The following ZNF302 variants were observed in gnomAD, a reference collection of about 807,000 sequenced individuals.
ZNF302 encodes the protein zinc finger protein 302.
Under a neutral mutation model 10.8 loss-of-function variants are expected in ZNF302, and 12 were observed. That is an observed-to-expected ratio of 1.11 (90% CI 0.71 to 1.79). The LOEUF (loss-of-function observed/expected upper bound fraction) is 1.79. Among genes scored for constraint, ZNF302 ranks in the 40% most tolerant of loss-of-function variants. The pLI is 0.00. For synonymous variants in ZNF302, 178 were observed against 157.5 expected, an observed-to-expected ratio of 1.13 and a Z score of -0.98; for missense variants, 461 against 471.1, an observed-to-expected ratio of 0.98 and a Z score of 0.20.
At chr19:34,682,634 CT>C in intron 2 of ZNF302, 142 bp from the exon 3 acceptor site, 1 of 1,241,250 alleles carries the variant, frequency 8.1e-7, no homozygotes, top group Non-Finnish European at 1.1e-6. Flanking sequence ...CCTATTATTA[CT>C]TACCTGACAT....
intron 1 of ZNF302, among the ~76,000 whole-genome samples, chr19:34,678,514 T>C (rs1418108468): frequency 2.6e-5 from 4 of 152,194 alleles, no homozygotes. Flanking sequence ...ATAAAGTTGT[T>C]ACCGTTGTTT....
chr19:34,681,940 C>T (rs979121571), intron 2 of ZNF302: 2 of 151,948 alleles, frequency 1.3e-5, no homozygotes, highest in African/African-American at 2.4e-5. Flanking sequence ...TGTTTTAGTC[C>T]ATTTGTGCTG....
At chr19:34,677,348 G>A (rs1322721213), upstream of ZNF302, 2 of 152,224 alleles carry the variant, frequency 1.3e-5, no homozygotes, top group Admixed American at 6.5e-5. Flanking sequence ...GCAGTTTTCT[G>A]GGAAATGTAA....
At chr19:34,679,653 C>G (rs1346888342) in intron 2 of ZNF302, among the ~76,000 whole-genome samples, 1 of 152,174 alleles carries the variant, frequency 6.6e-6, no homozygotes, top group Non-Finnish European at 1.5e-5. Context: ...TCCCTGAAAG[C>G]CTATTTGCAA....
chr19:34,676,056 C>T (rs11670385), upstream of ZNF302: 45,338 of 152,032 alleles, frequency 0.3, 7,532 homozygotes, highest in Non-Finnish European at 0.37. Flanking sequence ...GTTCGGGTGG[C>T]CCGTTTTTAT....
rs2068439882 is a variant in ZNF302, at chr19:34,682,994, A to G, written c.130+97A>G. ...CCTAAGTAAATGGCTGAATTTCTGT[A>G]CCATGCTCCCGAGGAAATGTGCAGC... On this transcript the variant is annotated intron_variant, in intron 3 of 4. Coordinates refer to ENST00000505242, the MANE Select transcript of ZNF302 (RefSeq NM_001289187.2). The G allele has an allele frequency of 3.0e-5, 48 of 1,579,630 alleles. No homozygotes were observed. The South Asian group carries it at 5.2e-4, about 17-fold the overall frequency.
intron 2 of ZNF302, 119 bp from the exon 3 acceptor site, chr19:34,682,658 C>G: frequency 6.8e-7 from 1 of 1,464,306 alleles, no homozygotes; most frequent in Non-Finnish European, 9.3e-7. Context: ...CATTCCCAGT[C>G]ATTGTCACAG....
At position 34,685,597 on chromosome 19, in the gene ZNF302, T is replaced by C. The variant is rs2068620417; in HGVS notation, c.*360T>C. The stretch of plus-strand genomic sequence containing the variant: ...TAAGTGTGGAAAAGCCTTTAGATCA[T>C]ATGAATCCCTATACATGTGAGAAAT... On this transcript the variant is annotated 3_prime_UTR_variant, in exon 5 of 5. Coordinates refer to ENST00000505242, the MANE Select transcript of ZNF302 (RefSeq NM_001289187.2). The C allele has an allele frequency of 3.2e-6, 4 of 1,238,692 alleles. No homozygotes were observed. In the African/African-American group the frequency reaches 6.0e-5, roughly 18 times the overall value. The allele number at this position is 1,238,692 out of a possible 1,614,324, so 76.7% of individuals were successfully genotyped here.
At chr19:34,678,164 T>G (rs1295308656) in intron 1 of ZNF302, 61 bp downstream of exon 1, 1 of 152,206 alleles carries the variant, frequency 6.6e-6, no homozygotes, top group Admixed American at 6.5e-5. Context: ...GGTTTAGAAC[T>G]CGACCTCAAG....
chr19:34,679,581 G>A (rs1322085343), intron 2 of ZNF302, among the ~76,000 whole-genome samples: 2 of 152,092 alleles, frequency 1.3e-5, no homozygotes, highest in Non-Finnish European at 2.9e-5. Flanking sequence ...CCCCACATAC[G>A]CACAAGCTTG....
Position 34,684,909 on chromosome 19 carries a change from G to A in ZNF302, c.872G>A (p.Gly291Glu). The A allele has an allele frequency of 6.2e-7, 1 of 1,613,996 alleles. No homozygotes were observed. The highest frequency in any genetic ancestry group is 2.2e-5 in the East Asian group (1 of 44,882). ...AAACCGTATGAATGTATGAACTGTG[G>A]AAAGTCTTTTAGTCGTGTGTCCCTT... ...GEKPYECMNC[G>E]KSFSRVSLLI... Residue 291 changes from glycine (G) to glutamate (E), a missense_variant, in exon 5 of 5, where the codon GGA becomes GAA. Physicochemically the swap from Gly to Glu is moderately conservative, Grantham distance 98. Transcript: ENST00000505242.
rs780618462 is a variant in ZNF302, at chr19:34,678,780, G to A, written c.-25G>A. On this transcript the variant is annotated 5_prime_UTR_variant, in exon 2 of 5. Transcript: ENST00000505242. ...GATAAGAACCTGGAAAGGGGACTCT[G>A]TTGGCCATTGGAAATTGCAGAATAA... The A allele has an allele frequency of 1.4e-5, 23 of 1,613,860 alleles. No homozygotes were observed. In the East Asian group the frequency reaches 4.9e-4, roughly 34 times the overall value.
chr19:34,677,160 CAAAAAAAAAAAA>C (rs10601812), upstream of ZNF302: 1 of 125,412 alleles, frequency 8.0e-6, no homozygotes, highest in East Asian at 2.3e-4. Context: ...AAATGAGTGC[CAAAAAAAAAAAA>C]AAAAAAAGAC....
chr19:34,678,473 C>T (rs535816020), intron 1 of ZNF302, among the ~76,000 whole-genome samples: 2 of 151,578 alleles, frequency 1.3e-5, no homozygotes, highest in East Asian at 3.9e-4. Flanking sequence ...TGAATGCACA[C>T]CTTGCAAAGT....
In ZNF302 at chr19:34,685,881, A is replaced by AT; in HGVS notation, c.*645dup. 1 of 214,746 alleles carries AT rather than the reference A, an allele frequency of 4.7e-6. No homozygotes were observed. Among genetic ancestry groups the AT allele is most frequent in the East Asian group, 9.8e-5 (1 of 10,168 alleles). 13.3% of individuals were successfully genotyped at this position (214,746 alleles called of 1,614,324 possible). A position where few individuals can be genotyped will look rare whatever the true frequency, so the allele number is the denominator to read the frequency against. On this transcript the variant is annotated 3_prime_UTR_variant, in exon 5 of 5. Coordinates refer to ENST00000505242, the MANE Select transcript of ZNF302 (RefSeq NM_001289187.2). ...CTCACACTAGGAAAAATCTGTGTAC[A>AT]TGTAGCAAATGTGGGAAAGACTATA... is the stretch of plus-strand genomic sequence containing the variant.
rs1458376144 is a variant in ZNF302, at chr19:34,683,209, C to T, written c.185C>T (p.Pro62Leu). ...ATGTTATTGGAGGATGGAAAAGAGC[C>T]CTGGATGATGGAGAAAAAACTGTCA... ...VIMLLEDGKE[P>L]WMMEKKLSKD... is the part of the protein sequence containing the mutation. Residue 62 changes from proline (P) to leucine (L), a missense_variant, in exon 4 of 5, where the codon CCC becomes CTC. Pro to Leu is a moderately conservative substitution (Grantham distance 98). Transcript: ENST00000505242. 6.2e-7 allele frequency: 1 copy of T among 1,613,896 alleles called. No homozygotes were observed. Among genetic ancestry groups the T allele is most frequent in the Non-Finnish European group, 8.5e-7 (1 of 1,179,918 alleles).
Position 34,684,674 on chromosome 19 carries a change from C to T in ZNF302, c.637C>T (p.Gln213Ter). ...CSECGKAFGK[Q>*]SILSRHWRIH... The stretch of plus-strand genomic sequence containing the variant: ...TGAATGTGGGAAAGCCTTTGGCAAA[C>T]AGTCAATCCTCAGTCGCCACTGGAG... Residue 213 changes from glutamine to a stop codon, truncating the protein, a stop_gained, in exon 5 of 5, where the codon CAG becomes TAG. Coordinates refer to ENST00000505242, the MANE Select transcript of ZNF302 (RefSeq NM_001289187.2). LOFTEE classifies it low-confidence loss of function (END_TRUNC). 6.2e-7 allele frequency: 1 copy of T among 1,613,970 alleles called. No homozygotes were observed. Among genetic ancestry groups the T allele is most frequent in the Non-Finnish European group, 8.5e-7 (1 of 1,179,910 alleles).
upstream of ZNF302, chr19:34,676,213 T>C (rs1161415422): frequency 1.3e-5 from 2 of 152,206 alleles, no homozygotes; most frequent in African/African-American, 2.4e-5. Context: ...AGAGCACTGA[T>C]TGGTGTATTT....
chr19:34,679,759 G>GTA, intron 2 of ZNF302: 1 of 666,432 alleles, frequency 1.5e-6, no homozygotes. Flanking sequence ...TGTATGTTCA[G>GTA]TATATGCACG....
Sources: gnomAD v4.1 joint callset for allele counts (sites outside exome capture counted in the v4.1 genomes callset) on GRCh38, gnomAD v4.1.1 for gene constraint, MANE v1.5 for transcripts, NCBI Gene and HGNC (gene_info 2026-07-23, HGNC 2026-07-21) for gene names.